GLT1D1: variants seen among roughly 807,000 people sequenced by gnomAD.
GLT1D1 encodes glycosyltransferase 1 domain containing 1.
In GLT1D1, 21 loss-of-function variants were observed where a neutral mutation model predicts 28.7. The observed-to-expected ratio is 0.73, with a 90% CI of 0.52 to 1.05. GLT1D1 has a LOEUF of 1.05. GLT1D1 is among the 50% of genes least tolerant of loss of function. The probability of loss-of-function intolerance (pLI) is 0.00; values close to 1 mark genes in which losing one functional copy is unlikely to be tolerated. For synonymous variants in GLT1D1, 147 were observed against 124.8 expected (o/e 1.18, Z -1.19); for missense variants, 343 against 330.6 (o/e 1.04, Z -0.29).
chr12:128,967,550 CCGCGTTCACAG>C (rs2135533703), intron 7 of GLT1D1, among the ~76,000 whole-genome samples: 1 of 152,342 alleles, frequency 6.6e-6, no homozygotes, highest in South Asian at 2.1e-4. Context: ...CAATACTCAA[CCGCGTTCACAG>C]CTTGCAGCGC....
intron 4 of GLT1D1, among the ~76,000 whole-genome samples, chr12:128,938,664 T>C (rs1392703757): frequency 6.6e-6 from 1 of 152,238 alleles, no homozygotes; most frequent in Non-Finnish European, 1.5e-5. Context: ...TAACTCATAA[T>C]GCCTACTGGT....
At position 128,912,327 on chromosome 12, in the gene GLT1D1, G is replaced by A. The variant is rs574367097; in HGVS notation, c.375+13040G>A. On this transcript the variant is annotated intron_variant, in intron 4 of 7. Coordinates refer to ENST00000281703, the MANE Select transcript of GLT1D1 (RefSeq NM_144669.3). ...GATTCTCAGTGATGTTTTCCAGGAC[G>A]GCTTTTTTTGTTAATGACCTTCATT... 34 of 695,854 alleles carry A rather than the reference G, an allele frequency of 4.9e-5. No individual in the cohort carries two copies. In the East Asian group the frequency reaches 9.0e-4, roughly 18 times the overall value. The allele number at this position is 695,854 out of a possible 1,614,324, so 43.1% of individuals were successfully genotyped here.
At chr12:128,879,115 C>T (rs564710242) in intron 2 of GLT1D1, among the ~76,000 whole-genome samples, 1 of 152,318 alleles carries the variant, frequency 6.6e-6, no homozygotes, top group South Asian at 2.1e-4. Flanking sequence ...TTTAGTGATT[C>T]TGTTGACAGT....
chr12:128,929,865 C>G (rs1053916832), intron 4 of GLT1D1, among the ~76,000 whole-genome samples: 5 of 152,164 alleles, frequency 3.3e-5, no homozygotes, highest in Non-Finnish European at 7.4e-5. Context: ...AATCCCAGCT[C>G]CTCGGGAGGC....
At chr12:128,925,189 T>A (rs546038320) in intron 4 of GLT1D1, among the ~76,000 whole-genome samples, 10 of 152,342 alleles carry the variant, frequency 6.6e-5, no homozygotes, top group African/African-American at 2.4e-4. Flanking sequence ...CTTCAACTTT[T>A]ATTTTAAGTT....
At chr12:128,963,982 C>T (rs1878213231) in intron 7 of GLT1D1, among the ~76,000 whole-genome samples, 1 of 152,224 alleles carries the variant, frequency 6.6e-6, no homozygotes, top group Admixed American at 6.5e-5. Flanking sequence ...AAACATTTCT[C>T]TCTCACAGTC....
intron 1 of GLT1D1, among the ~76,000 whole-genome samples, chr12:128,870,767 G>A (rs939209569): frequency 6.6e-6 from 1 of 152,152 alleles, no homozygotes; most frequent in East Asian, 1.9e-4. Flanking sequence ...TGAGGCAGGC[G>A]GATCACCTGA....
intron 4 of GLT1D1, among the ~76,000 whole-genome samples, chr12:128,904,316 G>A (rs1248466105): frequency 1.3e-5 from 2 of 151,748 alleles, no homozygotes; most frequent in Non-Finnish European, 2.9e-5. Context: ...AGTGGTACAG[G>A]TAACTTTTGT....
intron 2 of GLT1D1, among the ~76,000 whole-genome samples, chr12:128,881,968 T>G (rs762560705): frequency 8.6e-5 from 13 of 152,042 alleles, no homozygotes; most frequent in Non-Finnish European, 1.8e-4. Context: ...TGCATAAACC[T>G]TTGGAGCCCA....
intron 4 of GLT1D1, among the ~76,000 whole-genome samples, chr12:128,930,972 G>A (rs987158192): frequency 6.6e-5 from 10 of 151,962 alleles, no homozygotes; most frequent in African/African-American, 9.7e-5. Flanking sequence ...TTCACCTCCC[G>A]GAGGAAATAC....
chr12:128,886,031 A>G (rs1404231617), intron 2 of GLT1D1, among the ~76,000 whole-genome samples: 2 of 152,178 alleles, frequency 1.3e-5, no homozygotes, highest in Non-Finnish European at 2.9e-5. Flanking sequence ...TGTTCTCATG[A>G]CAGTGAATAA....
intron 4 of GLT1D1, among the ~76,000 whole-genome samples, chr12:128,931,442 G>C (rs1873876298): frequency 6.6e-6 from 1 of 151,704 alleles, no homozygotes; most frequent in South Asian, 2.1e-4. Context: ...CGAGTAGCTG[G>C]GATTACAAGC....
chr12:128,914,068 C>T (rs1871834657), intron 4 of GLT1D1, among the ~76,000 whole-genome samples: 2 of 152,182 alleles, frequency 1.3e-5, no homozygotes, highest in African/African-American at 4.8e-5. Context: ...GATTTACTTA[C>T]ATTTTATAAA....
At chr12:128,903,581 C>T (rs1226615333) in intron 4 of GLT1D1, among the ~76,000 whole-genome samples, 1 of 151,606 alleles carries the variant, frequency 6.6e-6, no homozygotes, top group Non-Finnish European at 1.5e-5. Flanking sequence ...CCGTGCTTCT[C>T]AAGTGGTGAG....
intron 6 of GLT1D1, among the ~76,000 whole-genome samples, chr12:128,957,234 C>A (rs554296091): frequency 6.6e-6 from 1 of 152,114 alleles, no homozygotes; most frequent in African/African-American, 2.4e-5. Flanking sequence ...TCCATGCGGT[C>A]GGTCGGTGAA....
chr12:128,944,551 T>C, intron 4 of GLT1D1: 1 of 783,088 alleles, frequency 1.3e-6, no homozygotes, highest in Non-Finnish European at 2.3e-6. Flanking sequence ...GACTTGGCCA[T>C]TGGTGAGATG....
At chr12:128,947,954 A>G (rs565432265) in intron 6 of GLT1D1, among the ~76,000 whole-genome samples, 1 of 152,254 alleles carries the variant, frequency 6.6e-6, no homozygotes, top group Non-Finnish European at 1.5e-5. Flanking sequence ...GCCAGGGTGG[A>G]TCTGATCTCT....
intron 4 of GLT1D1, chr12:128,906,941 C>T (rs1870940679): frequency 5.7e-6 from 4 of 702,528 alleles, no homozygotes; most frequent in Non-Finnish European, 1.0e-5. Flanking sequence ...GTCACAAGTG[C>T]AGTTCCTGTA....
rs1001716271 is a variant in GLT1D1, at chr12:128,984,106, G to A, written c.*1016G>A. On this transcript the variant is annotated 3_prime_UTR_variant, in exon 8 of 8. Transcript: ENST00000281703. ...ATACTGAAATTGTTGCATGCCTGTG[G>A]ATTCCTTACGACAATGGGGAACGCG... 1 of 152,310 alleles carries A rather than the reference G, an allele frequency of 6.6e-6. No individual in the cohort carries two copies. Among genetic ancestry groups the A allele is most frequent in the Non-Finnish European group, 1.5e-5 (1 of 68,110 alleles). The allele number at this position is 152,310 out of a possible 1,614,324, so 9.4% of individuals were successfully genotyped here. A position where few individuals can be genotyped will look rare whatever the true frequency, so the allele number is the denominator to read the frequency against.
Sources: allele counts gnomAD v4.1 joint callset (sites outside exome capture counted in the v4.1 genomes callset), GRCh38; gene constraint gnomAD v4.1.1; transcripts MANE v1.5; gene names NCBI Gene and HGNC (gene_info 2026-07-23, HGNC 2026-07-21).